Variants in ACP7 observed in about 807,000 individuals in gnomAD.
The protein encoded by ACP7 is acid phosphatase type 7.
In ACP7, 58 loss-of-function variants were observed where a neutral mutation model predicts 60.6. The observed-to-expected ratio is 0.96, with a 90% confidence interval of 0.77 to 1.19. ACP7 has a LOEUF of 1.19. Ranked by LOEUF, ACP7 falls within the 50% of genes most tolerant of loss-of-function variation. The probability of loss-of-function intolerance (pLI) is 0.00; values close to 1 mark genes in which losing one functional copy is unlikely to be tolerated. For missense variants in ACP7, 574 were observed against 596.2 expected (o/e 0.96, Z 0.39); for synonymous variants, 237 against 232.6 (o/e 1.02, Z -0.17).
intron 2 of ACP7, among the ~76,000 whole-genome samples, chr19:39,087,200 T>C (rs1460813599): frequency 1.3e-5 from 2 of 152,014 alleles, no homozygotes; most frequent in Non-Finnish European, 2.9e-5. Flanking sequence ...TTTATACAGA[T>C]GGAATTTCAC....
intron 11 of ACP7, among the ~76,000 whole-genome samples, chr19:39,105,205 G>A (rs1020817809): frequency 2.0e-5 from 3 of 151,140 alleles, no homozygotes; most frequent in Non-Finnish European, 3.0e-5. Flanking sequence ...TAGTAGAGAC[G>A]GGGGTTTCAC....
intron 11 of ACP7, among the ~76,000 whole-genome samples, chr19:39,105,823 T>C (rs1365572374): frequency 6.6e-6 from 1 of 152,174 alleles, no homozygotes; most frequent in East Asian, 1.9e-4. Context: ...CACGATGTCT[T>C]TTTAACCTCT....
chr19:39,106,827 A>G lies in ACP7; in HGVS notation c.1114-120A>G, dbSNP rs1234861123. On this transcript the variant is annotated intron_variant, in intron 11 of 12. Coordinates refer to ENST00000331256, the MANE Select transcript of ACP7 (RefSeq NM_001004318.3). ...GCATGAGCCACTGCGCCCGGCCTCT[A>G]TGGTGGTCAAGTCTTCACTGTCTTC... 7 of 1,271,848 alleles carry G rather than the reference A, an allele frequency of 5.5e-6. No individual in the cohort carries two copies. In the Admixed American group the frequency reaches 6.2e-5, roughly 11 times the overall value. The allele number at this position is 1,271,848 out of a possible 1,614,324, so 78.8% of individuals were successfully genotyped here.
At position 39,085,323 on chromosome 19, in the gene ACP7, C is replaced by T; in HGVS notation, c.54C>T (p.Ser18=). The T allele has an allele frequency of 6.2e-7, 1 of 1,613,818 alleles. No individual in the cohort carries two copies. The highest frequency in any genetic ancestry group is 8.5e-7 in the Non-Finnish European group (1 of 1,179,844). ...WSCYCLLLLF[S]LGVQGSLGAP... ...GTTACTGTCTACTCCTGCTATTCTC[C>T]TTGGGAGTCCAGGGGTCCCTGGGGG... Residue 18 remains serine, a synonymous_variant, in exon 2 of 13, where the codon TCC becomes TCT. Coordinates refer to ENST00000331256, the MANE Select transcript of ACP7 (RefSeq NM_001004318.3).
At chr19:39,090,982 C>T (rs1340509078) in intron 2 of ACP7, among the ~76,000 whole-genome samples, 1 of 151,750 alleles carries the variant, frequency 6.6e-6, no homozygotes, top group Non-Finnish European at 1.5e-5. Context: ...TATGATTGTC[C>T]CAGATTTGGT....
At position 39,085,173 on chromosome 19, in the gene ACP7, G is replaced by T; in HGVS notation, c.-97G>T. ...CCAGAGCACTGCCTGATCATCCTCT[G>T]TTCCCCATCCTCCCAGCCCTTCCTG... On this transcript the variant is annotated 5_prime_UTR_variant, in exon 2 of 13. Transcript: ENST00000331256. 6.9e-7 allele frequency: 1 copy of T among 1,455,320 alleles called. No individual in the cohort carries two copies. The highest frequency in any genetic ancestry group is 1.4e-5 in the African/African-American group (1 of 70,228). 90.2% of individuals were successfully genotyped at this position (1,455,320 alleles called of 1,614,324 possible). A position where few individuals can be genotyped will look rare whatever the true frequency, so the allele number is the denominator to read the frequency against.
chr19:39,085,054 G>A (rs2073124954), intron 1 of ACP7, 38 bp from the exon 2 acceptor site: 1 of 542,328 alleles, frequency 1.8e-6, no homozygotes, highest in Non-Finnish European at 3.2e-6. Flanking sequence ...CTCTGCTGCT[G>A]TTCCTTAGCG....
Position 39,101,168 on chromosome 19 carries a change from G to C in ACP7, c.934G>C (p.Gly312Arg), listed in dbSNP as rs997653674. 3.8e-5 allele frequency: 61 copies of C among 1,614,042 alleles called. No individual in the cohort carries two copies. The highest frequency in any genetic ancestry group is 5.0e-5 in the Non-Finnish European group (59 of 1,180,034). Reference protein sequence around the residue: ...HESKVRKGLQGKLYGLEDLFY... With the variant: ...HESKVRKGLQRKLYGLEDLFY... ...TGCCCAGGTCCGCAAAGGCCTCCAA[G>C]GCAAGCTGTACGGGTTGGAGGATCT... The change falls in exon 9 of 13, where the codon GGC becomes CGC. Residue 312 changes from glycine (G) to arginine (R), a missense_variant. Gly to Arg is a moderately radical substitution (Grantham distance 125, BLOSUM62 -2). Coordinates refer to ENST00000331256, the MANE Select transcript of ACP7 (RefSeq NM_001004318.3).
rs1485524375 is a variant in ACP7 at position 39,085,103 on chromosome 19, C to A, written c.-167C>A. ...GTTTCTCTCTCCAGCACCTGGATAA[C>A]CACCCATCTTGAAGGAGACCTCCCT... On this transcript the variant is annotated 5_prime_UTR_variant, in exon 2 of 13. Transcript: ENST00000331256. The A allele has an allele frequency of 3.7e-6, 3 of 813,786 alleles. No homozygotes were observed. Among genetic ancestry groups the A allele is most frequent in the Non-Finnish European group, 5.6e-6 (3 of 536,198 alleles). 50.4% of individuals were successfully genotyped at this position (813,786 alleles called of 1,614,324 possible).
chr19:39,101,422 G>A (rs774424033), intron 10 of ACP7, 44 bp from the exon 11 acceptor site: 2 of 1,613,390 alleles, frequency 1.2e-6, no homozygotes, highest in Non-Finnish European at 8.5e-7. Flanking sequence ...CCCAGGCATG[G>A]CCTCGAGTGA....
chr19:39,110,223 C>T lies in ACP7; in HGVS notation c.*105C>T, dbSNP rs2073455507. 1.8e-6 allele frequency: 2 copies of T among 1,103,806 alleles called. No homozygotes were observed. Among genetic ancestry groups the T allele is most frequent in the Non-Finnish European group, 2.7e-6 (2 of 740,352 alleles). The allele number at this position is 1,103,806 out of a possible 1,614,324, so 68.4% of individuals were successfully genotyped here. ...GGGAGTTGGGTGGGCCCTGACTCCC[C>T]TGCCCTCCAGAGGCCCCATGTAGGG... On this transcript the variant is annotated 3_prime_UTR_variant, in exon 13 of 13. Transcript: ENST00000331256.
At chr19:39,089,095 A>G (rs998711703) in intron 2 of ACP7, among the ~76,000 whole-genome samples, 5 of 151,734 alleles carry the variant, frequency 3.3e-5, no homozygotes, top group African/African-American at 1.2e-4. Flanking sequence ...ACACCCAGCT[A>G]ATTTTTGTAT....
intron 2 of ACP7, among the ~76,000 whole-genome samples, chr19:39,086,629 C>CAA (rs1157010669): frequency 2.2e-4 from 10 of 45,440 alleles, no homozygotes; most frequent in Admixed American, 3.8e-4. Flanking sequence ...GGCCCTGTCT[C>CAA]AAAAAAAAAA....
At chr19:39,102,770 TC>T (rs2073368295) in intron 11 of ACP7, among the ~76,000 whole-genome samples, 3 of 114,998 alleles carry the variant, frequency 2.6e-5, no homozygotes, top group African/African-American at 8.6e-5. Context: ...TTTCTTTCTC[TC>T]TCTCTCTCTT....
Position 39,095,989 on chromosome 19 carries a change from A to G in ACP7, c.122-2469A>G, listed in dbSNP as rs577466448. The stretch of plus-strand genomic sequence containing the variant: ...TCCCTAGACTGCACACAGCACAGGG[A>G]CCCTGGGCCCTGCCCATGAAACCAT... On this transcript the variant is annotated intron_variant, in intron 2 of 12. Coordinates refer to ENST00000331256, the MANE Select transcript of ACP7 (RefSeq NM_001004318.3). Among the ~76,000 whole-genome samples, 4 of 151,968 alleles carry G rather than the reference A, an allele frequency of 2.6e-5. No individual in the cohort carries two copies. The East Asian group carries it at 7.7e-4, about 29-fold the overall frequency.
chr19:39,093,014 G>A (rs971718502), intron 2 of ACP7, among the ~76,000 whole-genome samples: 1 of 151,874 alleles, frequency 6.6e-6, no homozygotes. Flanking sequence ...CTGACCTCAG[G>A]TGATCCACCT....
Position 39,107,094 on chromosome 19 carries a change from G to C in ACP7, c.1251+10G>C, listed in dbSNP as rs761925704. 1.2e-6 allele frequency: 2 copies of C among 1,613,270 alleles called. No homozygotes were observed. The highest frequency in any genetic ancestry group is 1.1e-5 in the South Asian group (1 of 90,986). ...GGTGTCGGACGACCAGGTCAGTGAG[G>C]GGCAGGCCGAAGTCACCTGACTGTA... On this transcript the variant is annotated intron_variant, in intron 12 of 12. Transcript: ENST00000331256.
Position 39,100,890 on chromosome 19 carries a change from G to A in ACP7, c.807+37G>A, listed in dbSNP as rs553429609. On this transcript the variant is annotated intron_variant, in intron 7 of 12. Transcript: ENST00000331256. ...GGAGGCCCCTATAGTCCCCTGGCCA[G>A]CCCCACCTCCCCCTCCACCCCTGAC... The A allele has an allele frequency of 6.3e-4, 1,011 of 1,608,592 alleles. 12 individuals carry two copies. The South Asian group carries it at 8.7e-3, about 14-fold the overall frequency.
At chr19:39,105,065 A>T (rs752102752) in intron 11 of ACP7, among the ~76,000 whole-genome samples, 1 of 151,330 alleles carries the variant, frequency 6.6e-6, no homozygotes, top group African/African-American at 2.4e-5. Flanking sequence ...CCCAGGCTGG[A>T]GTGCAATTGG....
Sources: gnomAD v4.1 joint callset for allele counts (sites outside exome capture counted in the v4.1 genomes callset) on GRCh38, gnomAD v4.1.1 for gene constraint, MANE v1.5 for transcripts, NCBI Gene and HGNC (gene_info 2026-07-23, HGNC 2026-07-21) for gene names.